The following C5 variants were observed in gnomAD, a reference collection of about 807,000 sequenced individuals.
C5 encodes the protein complement C5.
C5 carries 140 observed loss-of-function variants against 218.8 expected under a neutral mutation model. The ratio of observed to expected loss-of-function variants is 0.64; its 90% CI spans 0.56 to 0.74. The LOEUF (loss-of-function observed/expected upper bound fraction) is 0.74. Among genes scored for constraint, C5 ranks in the 30% least tolerant of loss-of-function variants. The pLI, the probability that C5 is intolerant of heterozygous loss-of-function variation, is 0.00. For missense variants in C5, 1,700 were observed against 1,969.6 expected (o/e 0.86, Z 2.59); for synonymous variants, 614 against 682.3 (o/e 0.90, Z 1.56).
At chr9:120,958,674 C>T (rs954773191) in intron 38 of C5, among the ~76,000 whole-genome samples, 2 of 151,474 alleles carry the variant, frequency 1.3e-5, no homozygotes, top group African/African-American at 2.4e-5. Context: ...CAGTAGACTT[C>T]GATGGAAAAA....
rs769223730 is a variant in C5, at chr9:121,015,184, T to A, written c.2059+15A>T. The A allele has an allele frequency of 2.6e-6, 4 of 1,553,644 alleles. No homozygotes were observed. The highest frequency in any genetic ancestry group is 1.1e-5 in the South Asian group (1 of 89,650). On this transcript the variant is annotated intron_variant, in intron 16 of 40. Transcript: ENST00000223642. ...TGACCATAACCTTTTTACAATCACATGAATCTTACAGTACCTATTTCTTCT... is the reference window on the plus strand; with the variant it reads ...TGACCATAACCTTTTTACAATCACAAGAATCTTACAGTACCTATTTCTTCT...
At chr9:121,002,252 ATG>A (rs1564146497) in intron 20 of C5, among the ~76,000 whole-genome samples, 18 of 42,832 alleles carry the variant, frequency 4.2e-4, no homozygotes, top group East Asian at 1.3e-3. Flanking sequence ...ATGTATATAT[ATG>A]TATATATGTA....
At chr9:121,024,000 G>A (rs1374531747) in intron 9 of C5, among the ~76,000 whole-genome samples, 1 of 150,616 alleles carries the variant, frequency 6.6e-6, no homozygotes, top group East Asian at 2.0e-4. Flanking sequence ...CCCTGAAAGG[G>A]AGTTCGAGAC....
At chr9:120,956,416 CA>C (rs1328573414) in intron 39 of C5, among the ~76,000 whole-genome samples, 1 of 152,006 alleles carries the variant, frequency 6.6e-6, no homozygotes, top group Non-Finnish European at 1.5e-5. Flanking sequence ...TCAAAGAAAT[CA>C]GAGATGACAC....
the C5 span, among the ~76,000 whole-genome samples, chr9:121,064,137 T>C: frequency 6.6e-6 from 1 of 152,186 alleles, no homozygotes; most frequent in Non-Finnish European, 1.5e-5. Context: ...TTTTAAATTA[T>C]TCTTTTTTCC....
At chr9:121,061,480 C>G in the C5 span, among the ~76,000 whole-genome samples, 13 of 150,714 alleles carry the variant, frequency 8.6e-5, no homozygotes, top group Middle Eastern at 3.7e-3. Flanking sequence ...GCCAGGAGGT[C>G]GAGGCTGCAG....
chr9:121,020,852 AAGATAATATTCT>A (rs1339307697), intron 11 of C5, among the ~76,000 whole-genome samples: 1 of 152,238 alleles, frequency 6.6e-6, no homozygotes, highest in Non-Finnish European at 1.5e-5. Context: ...CACAATGGCA[AAGATAATATTCT>A]AACTCATCTT....
At chr9:120,973,091 CTTAA>C (rs1393781864) in intron 30 of C5, among the ~76,000 whole-genome samples, 1 of 152,096 alleles carries the variant, frequency 6.6e-6, no homozygotes, top group South Asian at 2.1e-4. Flanking sequence ...ATTTGTTTAA[CTTAA>C]TTAATGCACA....
chr9:121,050,685 G>A (rs1260572520), upstream of C5, among the ~76,000 whole-genome samples: 1 of 152,166 alleles, frequency 6.6e-6, no homozygotes, highest in East Asian at 1.9e-4. Context: ...TTTAGAAGGG[G>A]CCTGGTTTAG....
chr9:121,024,658 T>A (rs564520328), intron 9 of C5, among the ~76,000 whole-genome samples: 3 of 152,280 alleles, frequency 2.0e-5, no homozygotes, highest in African/African-American at 7.2e-5. Flanking sequence ...AAACCCTAAT[T>A]ATTTTTCAAG....
At chr9:121,014,112 G>C (rs41309856) in intron 16 of C5, 42 bp from the exon 17 acceptor site, 158,080 of 1,540,922 alleles carry the variant, frequency 0.1, 8,815 homozygotes, top group African/African-American at 0.14. Context: ...GACGCAGAGT[G>C]ATAACATCTC....
chr9:120,999,714 C>A, intron 20 of C5: 4 of 225,122 alleles, frequency 1.8e-5, no homozygotes, highest in South Asian at 4.6e-5. Context: ...AGATTCAATC[C>A]AAAATTACTA....
chr9:121,068,791 A>G, the C5 span, among the ~76,000 whole-genome samples: 1 of 152,232 alleles, frequency 6.6e-6, no homozygotes. Context: ...AGCCAGACAA[A>G]TGAAACAGCA....
Position 121,030,450 on chromosome 9 carries a change from A to C in C5, c.705T>G (p.Tyr235Ter), listed in dbSNP as rs772092937. Residue 235 changes from tyrosine (Y) to a stop codon, truncating the protein, a stop_gained, in exon 7 of 41, where the codon TAT (tyrosine) becomes TAG (stop). Coordinates refer to ENST00000223642, the MANE Select transcript of C5 (RefSeq NM_001735.3). LOFTEE classifies it high-confidence loss of function. ...TAAAGTTCTTGTAACCAATGAAATT[A>C]TATTCTGGCTCGATTGAGACAGAAA... ...PHFSVSIEPE[Y>*]NFIGYKNFKN... 6.5e-7 allele frequency: 1 copy of C among 1,547,610 alleles called. No individual in the cohort carries two copies. Among genetic ancestry groups the C allele is most frequent in the Non-Finnish European group, 8.8e-7 (1 of 1,142,576 alleles).
intron 28 of C5, among the ~76,000 whole-genome samples, chr9:120,978,083 A>G (rs2131692876): frequency 6.6e-6 from 1 of 152,232 alleles, no homozygotes; most frequent in Non-Finnish European, 1.5e-5. Flanking sequence ...GGAAATTATG[A>G]GATTAAACCT....
the C5 span, among the ~76,000 whole-genome samples, chr9:121,069,891 A>G: frequency 6.6e-6 from 1 of 152,302 alleles, no homozygotes; most frequent in African/African-American, 2.4e-5. Flanking sequence ...AAGTTCCTCA[A>G]AAAAACTACA....
At chr9:121,057,022 T>C in the C5 span, among the ~76,000 whole-genome samples, 1 of 152,208 alleles carries the variant, frequency 6.6e-6, no homozygotes. Flanking sequence ...GGAGCTCTAA[T>C]ACATCTGGCA....
rs1331462735 is a variant in C5 at position 121,030,402 on chromosome 9, T to C, written c.753A>G (p.Lys251=). ...KNFKNFEITI[K]ARYFYNKVVT... Reference sequence around the variant, plus strand: ...AAAAAAACAAATGTTCTTACCTTGCTTTTATAGTAATTTCAAAATTCTTAA... The same window carrying C: ...AAAAAAACAAATGTTCTTACCTTGCCTTTATAGTAATTTCAAAATTCTTAA... Residue 251 remains lysine (K), a synonymous_variant, in exon 7 of 41, where the codon AAA becomes AAG. Transcript: ENST00000223642. The C allele has an allele frequency of 6.9e-7, 1 of 1,445,086 alleles. No homozygotes were observed. Among genetic ancestry groups the C allele is most frequent in the Non-Finnish European group, 9.5e-7 (1 of 1,056,744 alleles). 89.5% of individuals were successfully genotyped at this position (1,445,086 alleles called of 1,614,324 possible). A position where few individuals can be genotyped will look rare whatever the true frequency, so the allele number is the denominator to read the frequency against.
the C5 span, among the ~76,000 whole-genome samples, chr9:121,067,511 C>T: frequency 6.6e-6 from 1 of 150,980 alleles, no homozygotes; most frequent in African/African-American, 2.4e-5. Context: ...TTGCAGTGAG[C>T]CGAGATCGCG....
Sources: gnomAD v4.1 joint callset for allele counts (sites outside exome capture counted in the v4.1 genomes callset) on GRCh38, gnomAD v4.1.1 for gene constraint, MANE v1.5 for transcripts, NCBI Gene and HGNC (gene_info 2026-07-23, HGNC 2026-07-21) for gene names.